The following MIB1 variants were observed in gnomAD, a reference collection of about 807,000 sequenced individuals.
MIB1 encodes E3 ubiquitin-protein ligase MIB1.
A neutral mutation model predicts 124.5 loss-of-function variants in MIB1; 278 were observed. The ratio of observed to expected loss-of-function variants is 2.23; its 90% CI spans 2.02 to 2.47. MIB1 has a LOEUF of 2.47. Ranked by LOEUF, MIB1 falls within the 30% of genes most tolerant of loss-of-function variation. MIB1 has a pLI of 0.00. For synonymous variants in MIB1, 446 were observed against 429.4 expected (o/e 1.04, Z -0.48); for missense variants, 957 against 1,254.4 (o/e 0.76, Z 3.58).
chr18:21,807,578 G>T (rs992804983), intron 10 of MIB1, among the ~76,000 whole-genome samples: 1 of 152,184 alleles, frequency 6.6e-6, no homozygotes, highest in Non-Finnish European at 1.5e-5. Context: ...CTCCACAAGG[G>T]ACATTTGGAA....
chr18:21,849,439 A>T, intron 17 of MIB1, 51 bp downstream of exon 17: 1 of 1,068,160 alleles, frequency 9.4e-7, no homozygotes. Flanking sequence ...TTGAGACTAG[A>T]ATTAATGATA....
chr18:21,831,092 A>G (rs1468811244), intron 12 of MIB1: 4 of 148,338 alleles, frequency 2.7e-5, no homozygotes, highest in African/African-American at 9.9e-5. Flanking sequence ...TTAATTTTAT[A>G]GTCTAAAAAA....
rs1485733184 is a variant in MIB1 at position 21,843,175 on chromosome 18, C to G, written c.2007C>G (p.Ala669=). Residue 669 remains alanine (A), a synonymous_variant, in exon 14 of 21, where the codon GCC becomes GCG. Transcript: ENST00000261537. ...LDIQNVNQQT[A]LHLAVERQHT... is the part of the protein sequence containing the mutation. The stretch of plus-strand genomic sequence containing the variant: ...TCCAGAATGTGAACCAACAAACTGC[C>G]CTACACCTTGCTGTTGAACGACAGC... 1.3e-5 allele frequency: 21 copies of G among 1,602,756 alleles called. No homozygotes were observed. Among genetic ancestry groups the G allele is most frequent in the Non-Finnish European group, 1.8e-5 (21 of 1,175,790 alleles).
intron 10 of MIB1, among the ~76,000 whole-genome samples, chr18:21,815,023 A>ATATG (rs1169272607): frequency 1.0e-5 from 1 of 98,106 alleles, no homozygotes; most frequent in African/African-American, 6.7e-5. Context: ...ATATATATAT[A>ATATG]TATATATATA....
At chr18:21,717,780 C>G (rs777566082) in intron 1 of MIB1, among the ~76,000 whole-genome samples, 1 of 152,192 alleles carries the variant, frequency 6.6e-6, no homozygotes, top group Non-Finnish European at 1.5e-5. Context: ...ACGAAGAACA[C>G]TTCTACACTG....
At chr18:21,798,867 A>G (rs1408648189) in intron 8 of MIB1, among the ~76,000 whole-genome samples, 1 of 152,154 alleles carries the variant, frequency 6.6e-6, no homozygotes, top group Non-Finnish European at 1.5e-5. Flanking sequence ...AGAAAAGGAG[A>G]TAGAACTATA....
Position 21,838,380 on chromosome 18 carries a change from A to G in MIB1, c.1845A>G (p.Leu615=). 1 of 1,597,308 alleles carries G rather than the reference A, an allele frequency of 6.3e-7. No individual in the cohort carries two copies. Among genetic ancestry groups the G allele is most frequent in the Non-Finnish European group, 8.5e-7 (1 of 1,170,918 alleles). ...TAACTTTCAGTGCAATGCGTGTTTT[A>G]CTATCTAAATTACCAAGACCATGGA... The part of the protein sequence containing the change: ...LRGNPSAMRV[L]LSKLPRPWIV... The change falls in exon 13 of 21, where the codon TTA becomes TTG. Residue 615 remains leucine, a synonymous_variant. Transcript: ENST00000261537.
chr18:21,764,710 C>A (rs1348161493), intron 1 of MIB1, among the ~76,000 whole-genome samples: 1 of 148,456 alleles, frequency 6.7e-6, no homozygotes, highest in African/African-American at 2.6e-5. Flanking sequence ...TTCCCCTCTG[C>A]CTCCCTCCAG....
At chr18:21,718,517 C>G (rs1598579097) in intron 1 of MIB1, among the ~76,000 whole-genome samples, 1 of 152,368 alleles carries the variant, frequency 6.6e-6, no homozygotes, top group East Asian at 1.9e-4. Context: ...CCAGTGAAAT[C>G]TGTAGATGAC....
At chr18:21,755,040 A>T (rs1320590996) in intron 1 of MIB1, among the ~76,000 whole-genome samples, 1 of 151,966 alleles carries the variant, frequency 6.6e-6, no homozygotes, top group African/African-American at 2.4e-5. Flanking sequence ...TCTGCATCCT[A>T]GTTCCTTGGG....
chr18:21,793,781 C>CAAAAAAAA (rs67786932), intron 7 of MIB1: 11 of 29,562 alleles, frequency 3.7e-4, no homozygotes, highest in African/African-American at 7.3e-4. Flanking sequence ...GACCCTGTCT[C>CAAAAAAAA]AAAAAAAAAA....
rs2042331280 is a variant in MIB1 at position 21,867,901 on chromosome 18, A to G, written c.*3235A>G. 6.6e-6 allele frequency: 1 copy of G among 152,318 alleles called. No homozygotes were observed. The highest frequency in any genetic ancestry group is 2.4e-5 in the African/African-American group (1 of 41,446). The allele number at this position is 152,318 out of a possible 1,614,324, so 9.4% of individuals were successfully genotyped here. ...AGAATTAGAGATGGGGTAGAGTAGG[A>G]TCAGGACAGTGGGGTTACAACAGAT... On this transcript the variant is annotated 3_prime_UTR_variant, in exon 21 of 21. Transcript: ENST00000261537.
At chr18:21,712,385 A>T (rs2040669563) in intron 1 of MIB1, among the ~76,000 whole-genome samples, 1 of 152,084 alleles carries the variant, frequency 6.6e-6, no homozygotes, top group African/African-American at 2.4e-5. Flanking sequence ...AACCAATACG[A>T]TAGAGATAGC....
chr18:21,746,726 G>A (rs918256537), intron 1 of MIB1, among the ~76,000 whole-genome samples: 1 of 152,114 alleles, frequency 6.6e-6, no homozygotes, highest in African/African-American at 2.4e-5. Context: ...TCTTCGTGTC[G>A]ATAATACAGA....
chr18:21,724,037 G>C (rs1214043970), intron 1 of MIB1: 2 of 151,904 alleles, frequency 1.3e-5, no homozygotes, highest in African/African-American at 4.8e-5. Flanking sequence ...ACTCCCTCAG[G>C]GATTTTAGGA....
chr18:21,785,511 C>T (rs1414662733), intron 6 of MIB1, among the ~76,000 whole-genome samples: 1 of 152,206 alleles, frequency 6.6e-6, no homozygotes, highest in African/African-American at 2.4e-5. Context: ...AGACTCTACA[C>T]TTTTTAACTC....
At chr18:21,747,148 C>CT (rs1262956559) in intron 1 of MIB1, among the ~76,000 whole-genome samples, 1 of 152,150 alleles carries the variant, frequency 6.6e-6, no homozygotes, top group East Asian at 1.9e-4. Context: ...GCAAGGAAAA[C>CT]TTTATTTCCT....
At chr18:21,831,185 CT>C (rs373584610) in intron 12 of MIB1, 51 of 148,422 alleles carry the variant, frequency 3.4e-4, no homozygotes, top group African/African-American at 1.2e-3. Context: ...CCCTGTTTTT[CT>C]TTGCCCTCCA....
At chr18:21,757,319 G>A (rs1186244440) in intron 1 of MIB1, among the ~76,000 whole-genome samples, 2 of 151,034 alleles carry the variant, frequency 1.3e-5, no homozygotes, top group Non-Finnish European at 3.0e-5. Flanking sequence ...GGTTGTGGTG[G>A]CACATGCCTG....
Sources: gnomAD v4.1 joint callset for allele counts (sites outside exome capture counted in the v4.1 genomes callset) on GRCh38, gnomAD v4.1.1 for gene constraint, MANE v1.5 for transcripts, NCBI Gene and HGNC (gene_info 2026-07-23, HGNC 2026-07-21) for gene names.